Variants in OR51B5 observed in about 807,000 individuals in gnomAD.
The protein encoded by OR51B5 is olfactory receptor 51B5.
For missense variants in OR51B5, 456 were observed against 374.6 expected, an observed-to-expected ratio of 1.22 and a Z score of -1.79; for synonymous variants, 186 against 144.8, an observed-to-expected ratio of 1.28 and a Z score of -2.04.
At chr11:5,441,427 C>G in intron 1 of OR51B5, 2 of 1,613,904 alleles carry the variant, frequency 1.2e-6, no homozygotes, top group Non-Finnish European at 1.7e-6. Context: ...AAAATCAGGG[C>G]AACCCAGGTG....
chr11:5,415,818 T>C (rs1465737045), intron 1 of OR51B5, among the ~76,000 whole-genome samples: 1 of 152,060 alleles, frequency 6.6e-6, no homozygotes, highest in Non-Finnish European at 1.5e-5. Context: ...CAGAACCAGA[T>C]GGATTCACAG....
chr11:5,380,907 T>A (rs1382659198), intron 1 of OR51B5, among the ~76,000 whole-genome samples: 1 of 152,070 alleles, frequency 6.6e-6, no homozygotes, highest in Non-Finnish European at 1.5e-5. Flanking sequence ...TGGTCAGAAT[T>A]TAAGCCTATC....
chr11:5,468,556 A>C (rs1319373017), intron 1 of OR51B5: 1 of 410,154 alleles, frequency 2.4e-6, no homozygotes. Context: ...GGAATAGATA[A>C]TTGGGTAGAG....
In OR51B5 at chr11:5,461,269, C is replaced by T. The variant is rs539216314; in HGVS notation, n.84+44300G>A. 1.4e-4 allele frequency among the ~76,000 whole-genome samples: 21 copies of T among 152,182 alleles called. No individual in the cohort carries two copies. The East Asian group carries it at 2.5e-3, about 18-fold the overall frequency. ...GAGGCTGCAGGCCAGGGGGTGGAGG[C>T]GAGGCGCGCCGGCGGGGAAGGCTGC... On this transcript the variant is annotated intron_variant and non_coding_transcript_variant, in intron 1 of 4. Coordinates refer to the OR51B5 transcript ENST00000415970.
intron 1 of OR51B5, among the ~76,000 whole-genome samples, chr11:5,460,864 T>C (rs1422665836): frequency 1.3e-5 from 2 of 152,228 alleles, no homozygotes; most frequent in Non-Finnish European, 2.9e-5. Flanking sequence ...CTCAGCACTC[T>C]TGGCCTACAT....
At chr11:5,484,608 T>A (rs1349050133) in intron 1 of OR51B5, among the ~76,000 whole-genome samples, 1 of 152,164 alleles carries the variant, frequency 6.6e-6, no homozygotes, top group Non-Finnish European at 1.5e-5. Context: ...TAATTTTATA[T>A]AGTACTCCAC....
intron 1 of OR51B5, among the ~76,000 whole-genome samples, chr11:5,381,137 C>G (rs1797862033): frequency 8.1e-6 from 1 of 124,166 alleles, no homozygotes; most frequent in Non-Finnish European, 1.8e-5. Context: ...CCACCTCTCT[C>G]TCTCTGTCGC....
chr11:5,395,764 C>T (rs1380828827), intron 1 of OR51B5, among the ~76,000 whole-genome samples: 1 of 152,140 alleles, frequency 6.6e-6, no homozygotes, highest in Non-Finnish European at 1.5e-5. Context: ...TTGCCAAAGC[C>T]ATATGGAAGG....
chr11:5,400,194 G>C (rs1252541368), intron 1 of OR51B5, among the ~76,000 whole-genome samples: 1 of 152,142 alleles, frequency 6.6e-6, no homozygotes, highest in Admixed American at 6.5e-5. Flanking sequence ...CCACAGCACA[G>C]AGCTTTTCCT....
intron 1 of OR51B5, among the ~76,000 whole-genome samples, chr11:5,448,056 C>T (rs1296555693): frequency 3.9e-5 from 6 of 152,192 alleles, no homozygotes; most frequent in African/African-American, 9.6e-5. Context: ...ATGCCAAATT[C>T]CTACCTTTGT....
chr11:5,393,116 A>T (rs913861732), intron 1 of OR51B5: 2 of 152,200 alleles, frequency 1.3e-5, no homozygotes, highest in Non-Finnish European at 2.9e-5. Context: ...ATAAATTAAA[A>T]ATTTAGGATG....
chr11:5,415,523 A>T (rs10768942), intron 1 of OR51B5, among the ~76,000 whole-genome samples: 124,500 of 151,594 alleles, frequency 0.82, 51,956 homozygotes, highest in Non-Finnish European at 0.89. Flanking sequence ...ATTCATAGAC[A>T]GCTAGCAAGA....
intron 1 of OR51B5, chr11:5,441,135 G>C (rs1186159433): frequency 6.2e-7 from 1 of 1,613,876 alleles, no homozygotes; most frequent in Non-Finnish European, 8.5e-7. Context: ...ATAACAAATA[G>C]CCACAAAGCG....
chr11:5,364,455 AT>A (rs1440386135), intron 1 of OR51B5, among the ~76,000 whole-genome samples: 2 of 152,218 alleles, frequency 1.3e-5, no homozygotes, highest in Non-Finnish European at 2.9e-5. Context: ...CTGTTTAGAA[AT>A]TCCTGCCATA....
chr11:5,422,163 G>C, intron 1 of OR51B5: 2 of 1,423,948 alleles, frequency 1.4e-6, no homozygotes, highest in Non-Finnish European at 1.9e-6. Context: ...TTTTCTCCCT[G>C]AGTGAAGATC....
intron 1 of OR51B5, among the ~76,000 whole-genome samples, chr11:5,447,832 A>G (rs1167031395): frequency 6.6e-6 from 1 of 152,136 alleles, no homozygotes; most frequent in East Asian, 1.9e-4. Flanking sequence ...GCTTTCCAAC[A>G]CTTCTAGAAC....
chr11:5,486,605 G>C (rs1336249451), intron 1 of OR51B5, among the ~76,000 whole-genome samples: 1 of 151,894 alleles, frequency 6.6e-6, no homozygotes, highest in African/African-American at 2.4e-5. Context: ...CATCTACAGA[G>C]CACACAATGG....
intron 1 of OR51B5, among the ~76,000 whole-genome samples, chr11:5,496,731 C>G (rs1851655132): frequency 6.6e-6 from 1 of 152,142 alleles, no homozygotes; most frequent in Non-Finnish European, 1.5e-5. Context: ...GAGTTTCCCC[C>G]ATCATAGGGT....
chr11:5,340,487 G>C (rs569478304), downstream of OR51B5: 1 of 144,508 alleles, frequency 6.9e-6, no homozygotes, highest in African/African-American at 2.5e-5. Context: ...TTTTTTTTTT[G>C]CAATGTCATA....
Sources: gnomAD v4.1 joint callset for allele counts (sites outside exome capture counted in the v4.1 genomes callset) on GRCh38, gnomAD v4.1.1 for gene constraint, MANE v1.5 for transcripts, NCBI Gene and HGNC (gene_info 2026-07-23, HGNC 2026-07-21) for gene names.